VRK2: variants seen among roughly 807,000 people sequenced by gnomAD.
VRK2 encodes the protein VRK serine/threonine kinase 2.
Under a neutral mutation model 57.6 loss-of-function variants are expected in VRK2, and 60 were observed. The observed-to-expected ratio is 1.04, with a 90% CI of 0.85 to 1.29. The LOEUF (loss-of-function observed/expected upper bound fraction) is 1.29. VRK2 is among the 50% of genes most tolerant of loss of function. The pLI is 0.00. For missense variants in VRK2, 705 were observed against 588.1 expected, an observed-to-expected ratio of 1.20 and a Z score of -2.06; for synonymous variants, 231 against 199.2, an observed-to-expected ratio of 1.16 and a Z score of -1.35.
intron 7 of VRK2, among the ~76,000 whole-genome samples, chr2:58,104,158 A>G (rs541623261): frequency 1.3e-5 from 2 of 151,968 alleles, no homozygotes; most frequent in Non-Finnish European, 1.5e-5. Context: ...GAATAAGACA[A>G]GAATGCCCAC....
intron 3 of VRK2, among the ~76,000 whole-genome samples, chr2:58,039,379 A>G (rs910486797): frequency 1.2e-4 from 18 of 151,908 alleles, no homozygotes; most frequent in African/African-American, 4.1e-4. Flanking sequence ...GCTGTTCTCC[A>G]CAAAAAACTT....
upstream of VRK2, among the ~76,000 whole-genome samples, chr2:58,042,745 GT>G (rs1218942567): frequency 1.3e-5 from 2 of 152,130 alleles, no homozygotes; most frequent in African/African-American, 2.4e-5. Flanking sequence ...GCGTGTATTT[GT>G]GGTGAATCAT....
At chr2:58,132,011 T>A (rs753118438) in intron 9 of VRK2, 83 bp downstream of exon 9, 13 of 1,523,472 alleles carry the variant, frequency 8.5e-6, no homozygotes, top group Non-Finnish European at 1.2e-5. Flanking sequence ...CAGAGAAGAT[T>A]GGCATTCACC....
At chr2:58,086,459 T>G (rs1558617236) in intron 5 of VRK2, 33 bp downstream of exon 5, 2 of 1,532,026 alleles carry the variant, frequency 1.3e-6, no homozygotes, top group African/African-American at 1.4e-5. Flanking sequence ...AAATATTTCT[T>G]TATAACTATT....
chr2:57,975,864 C>T (rs974887898), intron 1 of VRK2, among the ~76,000 whole-genome samples: 1 of 151,862 alleles, frequency 6.6e-6, no homozygotes, highest in Non-Finnish European at 1.5e-5. Context: ...GATTTCTTCA[C>T]CCAGGGAGTG....
At chr2:58,009,513 A>T (rs1673354359) in intron 1 of VRK2, among the ~76,000 whole-genome samples, 1 of 149,596 alleles carries the variant, frequency 6.7e-6, no homozygotes, top group Admixed American at 6.8e-5. Context: ...AAAATAATAC[A>T]ATTGACAGAT....
At chr2:57,943,344 G>A (rs1375308016) in intron 1 of VRK2, among the ~76,000 whole-genome samples, 1 of 152,160 alleles carries the variant, frequency 6.6e-6, no homozygotes, top group Non-Finnish European at 1.5e-5. Flanking sequence ...TATATTTGTT[G>A]ATTTTTATTC....
chr2:58,147,563 G>A (rs75826366), intron 12 of VRK2, among the ~76,000 whole-genome samples: 1,627 of 151,886 alleles, frequency 0.011, 27 homozygotes, highest in African/African-American at 0.036. Context: ...GAAGCACTGC[G>A]AAAATACTGA....
intron 12 of VRK2, among the ~76,000 whole-genome samples, chr2:58,153,892 A>G (rs1683404885): frequency 6.6e-6 from 1 of 152,084 alleles, no homozygotes; most frequent in African/African-American, 2.4e-5. Flanking sequence ...TCAGATATTT[A>G]TTTCAAGAGT....
chr2:58,019,438 T>C (rs988782792), intron 1 of VRK2, among the ~76,000 whole-genome samples: 1 of 152,206 alleles, frequency 6.6e-6, no homozygotes, highest in African/African-American at 2.4e-5. Context: ...AAATGAGATA[T>C]AGACAAGTGA....
intron 2 of VRK2, among the ~76,000 whole-genome samples, chr2:58,054,843 CTG>C (rs771368539): frequency 6.6e-5 from 10 of 152,118 alleles, no homozygotes; most frequent in Non-Finnish European, 1.5e-4. Context: ...CCTGAACACT[CTG>C]TTGTATTCTC....
chr2:57,959,199 C>A (rs186288662), intron 1 of VRK2, among the ~76,000 whole-genome samples: 1 of 152,118 alleles, frequency 6.6e-6, no homozygotes, highest in East Asian at 1.9e-4. Context: ...ACAATTAGTC[C>A]AGAAACTGGA....
intron 10 of VRK2, among the ~76,000 whole-genome samples, chr2:58,135,441 CTTT>C (rs201516911): frequency 1.5e-5 from 2 of 130,470 alleles, no homozygotes; most frequent in African/African-American, 2.7e-5. Context: ...CTGCTTAGTG[CTTT>C]TTTTTTTTTT....
chr2:57,965,341 A>T (rs1341186523), intron 1 of VRK2, among the ~76,000 whole-genome samples: 12 of 152,232 alleles, frequency 7.9e-5, no homozygotes, highest in Non-Finnish European at 1.8e-4. Context: ...ACATTCAAGA[A>T]AAACAATGTA....
intron 1 of VRK2, among the ~76,000 whole-genome samples, chr2:58,022,131 T>C (rs1673776137): frequency 6.6e-6 from 1 of 152,206 alleles, no homozygotes; most frequent in Non-Finnish European, 1.5e-5. Flanking sequence ...AGTTTCCTAA[T>C]TATTGCAATT....
At chr2:58,014,781 G>A (rs1673524587) in intron 1 of VRK2, among the ~76,000 whole-genome samples, 1 of 152,112 alleles carries the variant, frequency 6.6e-6, no homozygotes, top group Non-Finnish European at 1.5e-5. Flanking sequence ...ACTTTTGTTA[G>A]TTTTATAAAA....
intron 1 of VRK2, among the ~76,000 whole-genome samples, chr2:57,953,251 G>A (rs193268230): frequency 1.2e-4 from 18 of 152,232 alleles, no homozygotes; most frequent in Non-Finnish European, 2.1e-4. Flanking sequence ...TGATTTGTTC[G>A]AATTGATGCT....
upstream of VRK2, among the ~76,000 whole-genome samples, chr2:58,042,278 G>GACAT (rs1674491229): frequency 2.0e-5 from 3 of 152,216 alleles, no homozygotes; most frequent in South Asian, 6.2e-4. Context: ...GAATGCAGAG[G>GACAT]ACATAGATAC....
At chr2:57,974,580 A>G (rs915919762) in intron 1 of VRK2, among the ~76,000 whole-genome samples, 2 of 151,938 alleles carry the variant, frequency 1.3e-5, no homozygotes, top group Admixed American at 1.3e-4. Context: ...ATTAGCTGAA[A>G]GTATAGACTC....
Sources: gnomAD v4.1 joint callset for allele counts (sites outside exome capture counted in the v4.1 genomes callset) on GRCh38, gnomAD v4.1.1 for gene constraint, MANE v1.5 for transcripts, NCBI Gene and HGNC (gene_info 2026-07-23, HGNC 2026-07-21) for gene names.